EXOC6: variants seen among roughly 807,000 people sequenced by gnomAD.
The protein encoded by EXOC6 is exocyst complex component 6, also known as SEC15-like 1.
Under a neutral mutation model 112.5 loss-of-function variants are expected in EXOC6, and 60 were observed. The ratio of observed to expected loss-of-function variants is 0.53; its 90% CI spans 0.43 to 0.66. EXOC6 has a LOEUF of 0.66. Among genes scored for constraint, EXOC6 ranks in the 30% least tolerant of loss-of-function variants. The probability of loss-of-function intolerance (pLI) is 0.00; values close to 1 mark genes in which losing one functional copy is unlikely to be tolerated. For synonymous variants in EXOC6, 295 were observed against 308.0 expected, an observed-to-expected ratio of 0.96 and a Z score of 0.44; for missense variants, 855 against 957.1, an observed-to-expected ratio of 0.89 and a Z score of 1.41.
At chr10:93,047,719 A>G (rs2134357734) in intron 20 of EXOC6, among the ~76,000 whole-genome samples, 1 of 152,148 alleles carries the variant, frequency 6.6e-6, no homozygotes, top group East Asian at 1.9e-4. Context: ...AGGCCGAGGC[A>G]GGTGGATCAC....
chr10:92,879,515 T>C (rs2133760895), intron 1 of EXOC6, among the ~76,000 whole-genome samples: 1 of 152,282 alleles, frequency 6.6e-6, no homozygotes, highest in Non-Finnish European at 1.5e-5. Flanking sequence ...TTAGGTTATT[T>C]TTCATTCAGT....
intron 1 of EXOC6, among the ~76,000 whole-genome samples, chr10:92,868,549 TAAAC>T (rs1848286569): frequency 6.6e-6 from 1 of 152,156 alleles, no homozygotes; most frequent in Non-Finnish European, 1.5e-5. Flanking sequence ...CTTATTTCTC[TAAAC>T]AAACAATAAA....
intron 18 of EXOC6, among the ~76,000 whole-genome samples, chr10:92,990,218 T>C (rs1183413634): frequency 1.3e-5 from 2 of 152,204 alleles, no homozygotes; most frequent in Admixed American, 1.3e-4. Flanking sequence ...TAGTTGAAAA[T>C]GAACATATTT....
chr10:92,992,539 A>G (rs558006377), intron 18 of EXOC6, among the ~76,000 whole-genome samples: 2 of 152,178 alleles, frequency 1.3e-5, no homozygotes, highest in South Asian at 2.1e-4. Context: ...TGTTTTAGGT[A>G]TCTTTTTCCT....
rs563395436 is a variant in EXOC6 at position 92,936,139 on chromosome 10, A to G, written c.1212+254A>G. On this transcript the variant is annotated intron_variant, in intron 12 of 21. Transcript: ENST00000260762. ...CATTCAGTTAGAATAAAGTATTTTT[A>G]TAGTTGAAAAAAAGAATACAGAGTA... Among the ~76,000 whole-genome samples, 5 of 152,304 alleles carry G rather than the reference A, an allele frequency of 3.3e-5. No individual in the cohort carries two copies. In the South Asian group the frequency reaches 8.3e-4, roughly 25 times the overall value.
intron 1 of EXOC6, among the ~76,000 whole-genome samples, chr10:92,860,443 T>C (rs1041080290): frequency 6.6e-6 from 1 of 152,088 alleles, no homozygotes; most frequent in Non-Finnish European, 1.5e-5. Context: ...TTTGTATTTT[T>C]AGTAGAGACG....
intron 20 of EXOC6, among the ~76,000 whole-genome samples, chr10:93,043,420 C>T (rs1232753588): frequency 6.6e-6 from 1 of 152,136 alleles, no homozygotes; most frequent in Non-Finnish European, 1.5e-5. Flanking sequence ...AGTTTTCTTA[C>T]CTGTTTGTTA....
intron 20 of EXOC6, among the ~76,000 whole-genome samples, chr10:93,056,220 T>C (rs565980766): frequency 1.3e-4 from 20 of 152,290 alleles, no homozygotes; most frequent in African/African-American, 4.8e-4. Flanking sequence ...ACTTCCATAT[T>C]TGACAATGAT....
At chr10:92,989,759 CG>C (rs1360670845) in intron 18 of EXOC6, among the ~76,000 whole-genome samples, 1 of 152,040 alleles carries the variant, frequency 6.6e-6, no homozygotes, top group African/African-American at 2.4e-5. Flanking sequence ...TAAAACTGAC[CG>C]GCCATCCAAA....
chr10:92,920,408 A>T (rs1049632165), intron 8 of EXOC6, among the ~76,000 whole-genome samples: 4 of 152,082 alleles, frequency 2.6e-5, no homozygotes, highest in Admixed American at 2.6e-4. Flanking sequence ...CTTTATTGAG[A>T]TCTAGTTCAC....
At chr10:92,973,734 C>T (rs1842386932) in intron 17 of EXOC6, among the ~76,000 whole-genome samples, 2 of 152,134 alleles carry the variant, frequency 1.3e-5, no homozygotes, top group Non-Finnish European at 2.9e-5. Context: ...TGGCAACTTT[C>T]GTTTTTCTAC....
At position 93,000,278 on chromosome 10, in the gene EXOC6, C is replaced by T. The variant is rs1015170007; in HGVS notation, c.2095+2663C>T. ...AAATTACTGTTTGATTAGACAAGTT[C>T]AGTTGTCTAAATCTTCTCCCTATTC... is the stretch of plus-strand genomic sequence containing the variant. On this transcript the variant is annotated intron_variant, in intron 19 of 21. Coordinates refer to ENST00000260762, the MANE Select transcript of EXOC6 (RefSeq NM_019053.6). 2.0e-5 allele frequency among the ~76,000 whole-genome samples: 3 copies of T among 152,054 alleles called. No individual in the cohort carries two copies. In the South Asian group the frequency reaches 6.2e-4, roughly 32 times the overall value.
At chr10:93,002,764 G>A (rs1462636681) in intron 19 of EXOC6, among the ~76,000 whole-genome samples, 1 of 152,136 alleles carries the variant, frequency 6.6e-6, no homozygotes, top group South Asian at 2.1e-4. Flanking sequence ...GTTAATAACA[G>A]CAATTGAATT....
chr10:92,989,286 T>C (rs1346646418), intron 18 of EXOC6, among the ~76,000 whole-genome samples: 1 of 152,224 alleles, frequency 6.6e-6, no homozygotes, highest in African/African-American at 2.4e-5. Flanking sequence ...GTATACTGCC[T>C]AAAAAATCAA....
At chr10:92,960,637 A>C (rs959051702) in intron 17 of EXOC6, among the ~76,000 whole-genome samples, 14 of 151,320 alleles carry the variant, frequency 9.3e-5, no homozygotes, top group Middle Eastern at 7.0e-3. Context: ...TATGAGGTCA[A>C]GAAATAAAGC....
At chr10:93,004,528 C>G (rs1843891961) in intron 19 of EXOC6, among the ~76,000 whole-genome samples, 1 of 152,168 alleles carries the variant, frequency 6.6e-6, no homozygotes, top group Admixed American at 6.5e-5. Context: ...TATTTGATGA[C>G]TGAAGAATGA....
intron 1 of EXOC6, among the ~76,000 whole-genome samples, chr10:92,889,291 A>G (rs1456913035): frequency 6.6e-6 from 1 of 152,192 alleles, no homozygotes; most frequent in Non-Finnish European, 1.5e-5. Context: ...TAACACTCTA[A>G]TGTAGATACT....
chr10:92,843,421 G>A (rs950004792), intron 1 of EXOC6, among the ~76,000 whole-genome samples: 3 of 152,250 alleles, frequency 2.0e-5, no homozygotes, highest in Non-Finnish European at 4.4e-5. Flanking sequence ...TTTTGATACA[G>A]TTCTATAATT....
At chr10:92,908,356 G>C (rs1483988185) in intron 5 of EXOC6, among the ~76,000 whole-genome samples, 2 of 151,904 alleles carry the variant, frequency 1.3e-5, no homozygotes, top group Non-Finnish European at 2.9e-5. Flanking sequence ...CACCTGGTGG[G>C]TCTTTTCAAC....
Sources: gnomAD v4.1 joint callset for allele counts (sites outside exome capture counted in the v4.1 genomes callset) on GRCh38, gnomAD v4.1.1 for gene constraint, MANE v1.5 for transcripts, NCBI Gene and HGNC (gene_info 2026-07-23, HGNC 2026-07-21) for gene names.